The following MYO18B variants were observed in gnomAD, a reference collection of about 807,000 sequenced individuals.
MYO18B encodes the protein unconventional myosin-XVIIIb.
Under a neutral mutation model 273.0 loss-of-function variants are expected in MYO18B, and 204 were observed. The ratio of observed to expected loss-of-function variants is 0.75; its 90% CI spans 0.67 to 0.84. MYO18B has a LOEUF of 0.84. Among genes scored for constraint, MYO18B ranks in the 40% least tolerant of loss-of-function variants. The pLI is 0.00. For missense variants in MYO18B, 3,212 were observed against 3,287.6 expected, an observed-to-expected ratio of 0.98 and a Z score of 0.56; for synonymous variants, 1,330 against 1,305.7, an observed-to-expected ratio of 1.02 and a Z score of -0.40.
intron 34 of MYO18B, among the ~76,000 whole-genome samples, chr22:25,926,506 G>T (rs1314116720): frequency 6.6e-6 from 1 of 152,090 alleles, no homozygotes; most frequent in African/African-American, 2.4e-5. Flanking sequence ...GTTTTACTGA[G>T]TTGGTCTCTA....
At chr22:25,950,593 C>CTCTTGTCTCAAA in intron 37 of MYO18B, 143 bp downstream of exon 37, 1 of 587,508 alleles carries the variant, frequency 1.7e-6, no homozygotes, top group Non-Finnish European at 2.8e-6. Context: ...ATTTTTGAGA[C>CTCTTGTCTCAAA]AAGAGTCTCA....
chr22:25,886,498 T>C (rs1014486663), intron 25 of MYO18B, among the ~76,000 whole-genome samples: 1 of 152,178 alleles, frequency 6.6e-6, no homozygotes, highest in Non-Finnish European at 1.5e-5. Context: ...TTTTCTTCAC[T>C]CAGGTTGAAG....
At chr22:25,911,704 C>T (rs1488720861) in intron 33 of MYO18B, among the ~76,000 whole-genome samples, 2 of 152,212 alleles carry the variant, frequency 1.3e-5, no homozygotes, top group Non-Finnish European at 2.9e-5. Context: ...GTAGCCCACA[C>T]CTCAGTTGTG....
At chr22:25,752,032 T>G (rs2085942955) in intron 1 of MYO18B, among the ~76,000 whole-genome samples, 1 of 152,182 alleles carries the variant, frequency 6.6e-6, no homozygotes, top group African/African-American at 2.4e-5. Flanking sequence ...ATGATAAACA[T>G]GCTTTCCCAT....
chr22:25,794,559 A>G (rs1408908204), intron 11 of MYO18B, among the ~76,000 whole-genome samples: 1 of 151,648 alleles, frequency 6.6e-6, no homozygotes, highest in African/African-American at 2.4e-5. Context: ...GGCTGGAGTG[A>G]GGTGGTGCAA....
rs1333896464 is a variant in MYO18B, at chr22:25,952,376, C to T, written c.5923C>T (p.Leu1975=). Residue 1975 remains leucine (L), a synonymous_variant, in exon 38 of 44, where the codon CTA becomes TTA. Transcript: ENST00000335473. ...CAGGCAGGAGGCGGTCATCTGTGAC[C>T]TAGAGAACAAGACAGAGTTCCAGAA... ...VSRQEAVICD[L]ENKTEFQKVQ... is the part of the protein sequence containing the mutation. 1 of 1,612,836 alleles carries T rather than the reference C, an allele frequency of 6.2e-7. No individual in the cohort carries two copies. Among genetic ancestry groups the T allele is most frequent in the East Asian group, 2.2e-5 (1 of 44,878 alleles).
At chr22:25,916,679 C>A (rs2092265503) in intron 33 of MYO18B, among the ~76,000 whole-genome samples, 1 of 152,136 alleles carries the variant, frequency 6.6e-6, no homozygotes, top group Non-Finnish European at 1.5e-5. Flanking sequence ...TGCATAACAT[C>A]TTTTCTTTGA....
the MYO18B span, among the ~76,000 whole-genome samples, chr22:26,048,698 T>C: frequency 6.6e-6 from 1 of 151,012 alleles, no homozygotes; most frequent in South Asian, 2.1e-4. Flanking sequence ...CTCTCATTAT[T>C]AAAAAAAAAC....
chr22:25,847,522 A>C lies in MYO18B; in HGVS notation c.3645A>C (p.Glu1215Asp), dbSNP rs2090289417. 1 of 1,577,476 alleles carries C rather than the reference A, an allele frequency of 6.3e-7. No homozygotes were observed. Among genetic ancestry groups the C allele is most frequent in the African/African-American group, 1.4e-5 (1 of 73,920 alleles). Reference protein sequence around the residue: ...NPVVESRSGQESPPPPQPGRD... With the variant: ...NPVVESRSGQDSPPPPQPGRD... ...TGGTGGAAAGCAGGAGTGGGCAGGA[A>C]TCTCCACCACCACCGCAGCCTGGTA... is the stretch of plus-strand genomic sequence containing the variant. The change falls in exon 20 of 44, where the codon GAA becomes GAC. Residue 1215 changes from glutamate (E) to aspartate (D), a missense_variant. Physicochemically the swap from Glu to Asp is conservative, Grantham distance 45. Transcript: ENST00000335473.
At chr22:25,946,296 C>T (rs769421332) in intron 35 of MYO18B, 46 bp downstream of exon 35, 2 of 1,370,152 alleles carry the variant, frequency 1.5e-6, no homozygotes, top group Non-Finnish European at 2.0e-6. Flanking sequence ...CCAGCATAGG[C>T]CTCTGGGAGC....
intron 17 of MYO18B, among the ~76,000 whole-genome samples, chr22:25,837,761 A>G (rs1477686443): frequency 6.6e-6 from 1 of 152,166 alleles, no homozygotes; most frequent in East Asian, 1.9e-4. Flanking sequence ...AAATTCCTAA[A>G]TTATTCCCAG....
At position 25,789,864 on chromosome 22, in the gene MYO18B, A is replaced by G. The variant is rs546705923; in HGVS notation, c.2376+4373A>G. Among the ~76,000 whole-genome samples, 5 of 152,130 alleles carry G rather than the reference A, an allele frequency of 3.3e-5. No homozygotes were observed. The South Asian group carries it at 1.0e-3, about 32-fold the overall frequency. On this transcript the variant is annotated intron_variant, in intron 11 of 43. Coordinates refer to ENST00000335473, the MANE Select transcript of MYO18B (RefSeq NM_032608.7). ...TCATAACAAACTGTATATCATTAAA[A>G]CTTTCTGGCCGGGCATGGTGGCTCA...
In MYO18B at chr22:25,908,258, G is replaced by C; in HGVS notation, c.5149-64G>C. ...GAAATGCAATTGGAATGCCAAGGAT[G>C]ACATGGAGGGCTTGGAGAGTTAGAG... On this transcript the variant is annotated intron_variant, in intron 31 of 43. Coordinates refer to ENST00000335473, the MANE Select transcript of MYO18B (RefSeq NM_032608.7). The C allele has an allele frequency of 2.3e-6, 3 of 1,282,556 alleles. No homozygotes were observed. The South Asian group carries it at 3.8e-5, about 16-fold the overall frequency. 79.4% of individuals were successfully genotyped at this position (1,282,556 alleles called of 1,614,324 possible).
chr22:25,802,087 C>T (rs966012390), intron 12 of MYO18B, among the ~76,000 whole-genome samples: 5 of 152,206 alleles, frequency 3.3e-5, no homozygotes, highest in African/African-American at 1.2e-4. Flanking sequence ...CTTCAGATGC[C>T]AGCTGCAAGT....
In MYO18B at chr22:25,772,485, G is replaced by A. The variant is rs1195404202; in HGVS notation, c.1844G>A (p.Gly615Glu). The A allele has an allele frequency of 3.7e-6, 6 of 1,613,750 alleles. No individual in the cohort carries two copies. Among genetic ancestry groups the A allele is most frequent in the Admixed American group, 1.7e-5 (1 of 60,010 alleles). ...GATCTGATTGTCCTCCAGCCCCGGG[G>A]GCCCTCGGTGCCTTCTGCAGGGAAG... The part of the protein sequence containing the change: ...GPDLIVLQPR[G>E]PSVPSAGKVP... The change falls in exon 7 of 44, where the codon GGG (glycine) becomes GAG (glutamate). Residue 615 changes from glycine (G) to glutamate (E), a missense_variant. Gly to Glu is a moderately conservative substitution (Grantham distance 98). Coordinates refer to ENST00000335473, the MANE Select transcript of MYO18B (RefSeq NM_032608.7).
At chr22:26,039,537 A>C in the MYO18B span, among the ~76,000 whole-genome samples, 2 of 151,936 alleles carry the variant, frequency 1.3e-5, no homozygotes, top group Non-Finnish European at 2.9e-5. Flanking sequence ...GCCTTCCTTG[A>C]CTTCCAGGTG....
At position 25,890,751 on chromosome 22, in the gene MYO18B, C is replaced by T. The variant is rs1200074329; in HGVS notation, c.4315-5C>T. 1 of 1,613,844 alleles carries T rather than the reference C, an allele frequency of 6.2e-7. No homozygotes were observed. The highest frequency in any genetic ancestry group is 8.5e-7 in the Non-Finnish European group (1 of 1,179,832). ...GTTCCTTGATCACCCCATTCCCCAT[C>T]TCAGATTGCTGACTTGACCTCTGAC... On this transcript the variant is annotated splice_region_variant and splice_polypyrimidine_tract_variant and intron_variant, in intron 25 of 43. Coordinates refer to ENST00000335473, the MANE Select transcript of MYO18B (RefSeq NM_032608.7).
chr22:25,795,408 A>G lies in MYO18B; in HGVS notation c.2377-2545A>G, dbSNP rs368593403. ...CAGAAAAAAGACATTGGGAGGGGAC[A>G]AGGAAGAGAAAGGAGCAAATGAGCT... On this transcript the variant is annotated intron_variant, in intron 11 of 43. Transcript: ENST00000335473. Among the ~76,000 whole-genome samples, 211 of 152,332 alleles carry G rather than the reference A, an allele frequency of 1.4e-3. 9 individuals carry two copies. In the South Asian group the frequency reaches 0.043, roughly 31 times the overall value.
At chr22:25,874,058 G>T (rs1360480510) in intron 22 of MYO18B, among the ~76,000 whole-genome samples, 3 of 152,206 alleles carry the variant, frequency 2.0e-5, no homozygotes, top group Non-Finnish European at 4.4e-5. Context: ...CAATGCCACT[G>T]GTGCGTGGGC....
Sources: gnomAD v4.1 joint callset for allele counts (sites outside exome capture counted in the v4.1 genomes callset) on GRCh38, gnomAD v4.1.1 for gene constraint, MANE v1.5 for transcripts, NCBI Gene and HGNC (gene_info 2026-07-23, HGNC 2026-07-21) for gene names.